KIRREL3: variants seen among roughly 807,000 people sequenced by gnomAD.
KIRREL3 encodes kirre like nephrin family adhesion molecule 3.
A neutral mutation model predicts 89.7 loss-of-function variants in KIRREL3; 36 were observed. The ratio of observed to expected loss-of-function variants is 0.40; its 90% CI spans 0.31 to 0.53. The LOEUF is 0.53. KIRREL3 is among the 20% of genes least tolerant of loss of function. The pLI is 0.49. For missense variants in KIRREL3, 864 were observed against 1,056.6 expected (o/e 0.82, Z 2.53); for synonymous variants, 445 against 441.4 (o/e 1.01, Z -0.10).
At chr11:126,806,821 C>T (rs1398872050) in intron 1 of KIRREL3, among the ~76,000 whole-genome samples, 7 of 151,864 alleles carry the variant, frequency 4.6e-5, no homozygotes, top group African/African-American at 7.3e-5. Context: ...TGTCCTAATG[C>T]TCTCCTCCCC....
chr11:126,979,457 A>T (rs1382072583), intron 1 of KIRREL3, among the ~76,000 whole-genome samples: 10 of 152,198 alleles, frequency 6.6e-5, no homozygotes, highest in Non-Finnish European at 1.3e-4. Context: ...TCCAGGATTG[A>T]TTTGCGGGAA....
At chr11:126,992,136 C>A (rs1950050318) in intron 1 of KIRREL3, among the ~76,000 whole-genome samples, 1 of 152,170 alleles carries the variant, frequency 6.6e-6, no homozygotes, top group Non-Finnish European at 1.5e-5. Context: ...TTGCCAGGCA[C>A]CTACAAGAAA....
At chr11:126,738,843 C>T (rs1345199830) in intron 1 of KIRREL3, among the ~76,000 whole-genome samples, 3 of 152,204 alleles carry the variant, frequency 2.0e-5, no homozygotes, top group East Asian at 1.9e-4. Flanking sequence ...CCACCCACCT[C>T]GGAGGCCTGA....
At position 126,623,331 on chromosome 11, in the gene KIRREL3, C is replaced by G. The variant is rs913823537; in HGVS notation, c.56-60419G>C. On this transcript the variant is annotated intron_variant, in intron 1 of 16. Coordinates refer to ENST00000525144, the MANE Select transcript of KIRREL3 (RefSeq NM_032531.4). The surrounding 1 kb of genome is among the most constrained non-coding windows in gnomAD (Gnocchi z 4.1). The stretch of plus-strand genomic sequence containing the variant: ...GTCCTTGGTGGTGTATGAGCAGGCC[C>G]CTGGGATCGACACATGGATGAAGGG... Among the ~76,000 whole-genome samples the G allele has an allele frequency of 1.3e-5, 2 of 152,106 alleles. No individual in the cohort carries two copies. The highest frequency in any genetic ancestry group is 4.8e-5 in the African/African-American group (2 of 41,424).
Position 126,736,158 on chromosome 11 carries a change from G to C in KIRREL3, c.56-173246C>G, listed in dbSNP as rs1444398410. On this transcript the variant is annotated intron_variant, in intron 1 of 16. Coordinates refer to ENST00000525144, the MANE Select transcript of KIRREL3 (RefSeq NM_032531.4). This position sits in a 1 kb window ranked among gnomAD's most constrained non-coding sequence, Gnocchi z 5.0. Reference sequence around the variant, plus strand: ...ATTTCTGTGGATTTGGTCACAAGAGGGATTGTCTAGAGAGAACAGATGGTC... The same window carrying C: ...ATTTCTGTGGATTTGGTCACAAGAGCGATTGTCTAGAGAGAACAGATGGTC... 2.0e-5 allele frequency among the ~76,000 whole-genome samples: 3 copies of C among 152,116 alleles called. No homozygotes were observed. Among genetic ancestry groups the C allele is most frequent in the African/African-American group, 7.2e-5 (3 of 41,404 alleles).
chr11:126,847,439 C>G (rs1171717815), intron 1 of KIRREL3, among the ~76,000 whole-genome samples: 1 of 151,990 alleles, frequency 6.6e-6, no homozygotes, highest in Non-Finnish European at 1.5e-5. Flanking sequence ...TGTTTTAATC[C>G]TCTTCAAAAG....
Position 126,681,171 on chromosome 11 carries a change from C to T in KIRREL3, c.56-118259G>A, listed in dbSNP as rs1946436224. ...ATAATGCCAGGAACTTCCCAAAGGT[C>T]CCCCTTGTCACTCGCCTGGATACAG... On this transcript the variant is annotated intron_variant, in intron 1 of 16. Coordinates refer to ENST00000525144, the MANE Select transcript of KIRREL3 (RefSeq NM_032531.4). Among the ~76,000 whole-genome samples the T allele has an allele frequency of 2.0e-5, 3 of 152,298 alleles. No individual in the cohort carries two copies. The South Asian group carries it at 6.2e-4, about 32-fold the overall frequency.
Position 126,454,521 on chromosome 11 carries a change from G to A in KIRREL3, c.848+1828C>T, listed in dbSNP as rs1411327720. On this transcript the variant is annotated intron_variant, in intron 7 of 16. Coordinates refer to ENST00000525144, the MANE Select transcript of KIRREL3 (RefSeq NM_032531.4). This position sits in a 1 kb window ranked among gnomAD's most constrained non-coding sequence, Gnocchi z 5.8. ...TGTGAAGGGCTGCCCTGGGAAGCTA[G>A]CATGACAGATATTTTCTGGGCATGT... is the stretch of plus-strand genomic sequence containing the variant. Among the ~76,000 whole-genome samples, 1 of 152,196 alleles carries A rather than the reference G, an allele frequency of 6.6e-6. No homozygotes were observed. Among genetic ancestry groups the A allele is most frequent in the Non-Finnish European group, 1.5e-5 (1 of 68,026 alleles).
At chr11:126,806,697 G>C (rs1357052159) in intron 1 of KIRREL3, among the ~76,000 whole-genome samples, 1 of 152,090 alleles carries the variant, frequency 6.6e-6, no homozygotes, top group Non-Finnish European at 1.5e-5. Context: ...TTTAAGTTCT[G>C]GGATACATGT....
rs944240289 is a variant in KIRREL3 at position 126,983,242 on chromosome 11, A to G, written c.55+17213T>C. The stretch of plus-strand genomic sequence containing the variant: ...ATTATTTGATAATCCCAATAGATAC[A>G]CACGGGGGAAGGTCATTTTCTCTAA... On this transcript the variant is annotated intron_variant, in intron 1 of 16. Coordinates refer to ENST00000525144, the MANE Select transcript of KIRREL3 (RefSeq NM_032531.4). This position sits in a 1 kb window ranked among gnomAD's most constrained non-coding sequence, Gnocchi z 4.9. Among the ~76,000 whole-genome samples, 4 of 152,206 alleles carry G rather than the reference A, an allele frequency of 2.6e-5. No homozygotes were observed. The highest frequency in any genetic ancestry group is 4.4e-5 in the Non-Finnish European group (3 of 68,034).
chr11:126,563,327 A>G lies in KIRREL3; in HGVS notation c.56-415T>C, dbSNP rs1238606641. On this transcript the variant is annotated intron_variant, in intron 1 of 16. Transcript: ENST00000525144. This position sits in a 1 kb window ranked among gnomAD's most constrained non-coding sequence, Gnocchi z 6.8. ...CAGATCAACTTGGGACTGTGGCCAG[A>G]CCTGCCAGGGATGATGCAGAATCTA... Among the ~76,000 whole-genome samples, 1 of 152,144 alleles carries G rather than the reference A, an allele frequency of 6.6e-6. No individual in the cohort carries two copies. Among genetic ancestry groups the G allele is most frequent in the East Asian group, 1.9e-4 (1 of 5,182 alleles).
Position 126,756,714 on chromosome 11 carries a change from A to C in KIRREL3, c.56-193802T>G, listed in dbSNP as rs867031550. On this transcript the variant is annotated intron_variant, in intron 1 of 16. Transcript: ENST00000525144. Reference sequence around the variant, plus strand: ...AGAAGTAAAGCCTTTCTTTTGGGTCAAGCAGACATCTGCTCTCCATTCCAC... The same window carrying C: ...AGAAGTAAAGCCTTTCTTTTGGGTCCAGCAGACATCTGCTCTCCATTCCAC... 1.6e-4 allele frequency among the ~76,000 whole-genome samples: 24 copies of C among 152,324 alleles called. 1 individual carries two copies. The Middle Eastern group carries it at 0.014, about 86-fold the overall frequency.
chr11:126,959,377 A>C (rs1235851586), intron 1 of KIRREL3, among the ~76,000 whole-genome samples: 1 of 152,198 alleles, frequency 6.6e-6, no homozygotes, highest in Non-Finnish European at 1.5e-5. Context: ...ACATACACAC[A>C]CACACAATTG....
intron 1 of KIRREL3, among the ~76,000 whole-genome samples, chr11:126,944,744 C>T (rs57276623): frequency 0.023 from 3,549 of 152,274 alleles, 131 homozygotes; most frequent in African/African-American, 0.08. Context: ...GCTCCTCTCT[C>T]AGTCTAGGCT....
In KIRREL3 at chr11:126,908,727, A is replaced by G. The variant is rs1192263588; in HGVS notation, c.55+91728T>C. Among the ~76,000 whole-genome samples the G allele has an allele frequency of 1.3e-5, 2 of 152,122 alleles. No homozygotes were observed. The highest frequency in any genetic ancestry group is 2.9e-5 in the Non-Finnish European group (2 of 68,028). On this transcript the variant is annotated intron_variant, in intron 1 of 16. Coordinates refer to ENST00000525144, the MANE Select transcript of KIRREL3 (RefSeq NM_032531.4). The surrounding 1 kb of genome is among the most constrained non-coding windows in gnomAD (Gnocchi z 4.2). Reference sequence around the variant, plus strand: ...GGGATTCCACAGTAGATTAAATATAATAGTTTCTGCTTTTATGGGGCCTAT... The same window carrying G: ...GGGATTCCACAGTAGATTAAATATAGTAGTTTCTGCTTTTATGGGGCCTAT...
chr11:126,508,467 C>A lies in KIRREL3; in HGVS notation c.433+12848G>T, dbSNP rs1238801090. ...AGGTCCATCTGAGGAGGAGGGGCTG[C>A]CAGGAAGGGTTTTTGGAAGCCTTGG... On this transcript the variant is annotated intron_variant, in intron 4 of 16. Coordinates refer to ENST00000525144, the MANE Select transcript of KIRREL3 (RefSeq NM_032531.4). This position sits in a 1 kb window ranked among gnomAD's most constrained non-coding sequence, Gnocchi z 4.9. Among the ~76,000 whole-genome samples, 2 of 152,042 alleles carry A rather than the reference C, an allele frequency of 1.3e-5. No homozygotes were observed. The highest frequency in any genetic ancestry group is 4.8e-5 in the African/African-American group (2 of 41,410).
chr11:126,465,217 C>T (rs1956681979), intron 5 of KIRREL3, among the ~76,000 whole-genome samples: 1 of 152,140 alleles, frequency 6.6e-6, no homozygotes, highest in Non-Finnish European at 1.5e-5. Flanking sequence ...GATGAACAGA[C>T]CACTCCTCCC....
Position 126,525,997 on chromosome 11 carries a change from G to T in KIRREL3, c.283+541C>A, listed in dbSNP as rs191808711. 1.8e-4 allele frequency among the ~76,000 whole-genome samples: 27 copies of T among 152,292 alleles called. No individual in the cohort carries two copies. In the East Asian group the frequency reaches 4.6e-3, roughly 26 times the overall value. On this transcript the variant is annotated intron_variant, in intron 3 of 16. Transcript: ENST00000525144. The surrounding 1 kb of genome is among the most constrained non-coding windows in gnomAD (Gnocchi z 5.4). ...GGGTAGCTTTGCTGAATACCAGCCT[G>T]CCCAAGCCGAACATAGTTGGAAATT...
rs1468324700 is a variant in KIRREL3 at position 126,477,967 on chromosome 11, G to T, written c.434-4501C>A. 6.6e-6 allele frequency among the ~76,000 whole-genome samples: 1 copy of T among 152,192 alleles called. No individual in the cohort carries two copies. ...AGTTCCCCACAATGCTGGCAGAGTG[G>T]GTCTATCACCAACACCAAACCCTCC... is the stretch of plus-strand genomic sequence containing the variant. On this transcript the variant is annotated intron_variant, in intron 4 of 16. Transcript: ENST00000525144. The surrounding 1 kb of genome is among the most constrained non-coding windows in gnomAD (Gnocchi z 4.8).
Sources: allele counts gnomAD v4.1 joint callset (sites outside exome capture counted in the v4.1 genomes callset), GRCh38; gene constraint gnomAD v4.1.1; non-coding constraint Gnocchi (gnomAD v3.1); transcripts MANE v1.5; gene names NCBI Gene and HGNC (gene_info 2026-07-23, HGNC 2026-07-21).